Variants in ANK2 observed in about 807,000 individuals in gnomAD.
The protein encoded by ANK2 is ankyrin 2, also known as ankyrin-2.
Under a neutral mutation model 360.5 loss-of-function variants are expected in ANK2, and 83 were observed. The observed-to-expected ratio is 0.23, with a 90% CI of 0.19 to 0.28. ANK2 has a LOEUF of 0.28. Ranked by LOEUF, ANK2 falls within the 10% of genes least tolerant of loss-of-function variation. The pLI is 1.00. For synonymous variants in ANK2, 1,740 were observed against 1,759.5 expected (o/e 0.99, Z 0.28); for missense variants, 4,201 against 4,795.7 (o/e 0.88, Z 3.66).
At chr4:112,784,247 C>G in the ANK2 span, among the ~76,000 whole-genome samples, 1 of 150,870 alleles carries the variant, frequency 6.6e-6, no homozygotes, top group Non-Finnish European at 1.5e-5. Flanking sequence ...TACAGTGGTG[C>G]GATCATGGCT....
At chr4:113,348,863 A>G (rs1470582515) in intron 36 of ANK2, among the ~76,000 whole-genome samples, 2 of 152,144 alleles carry the variant, frequency 1.3e-5, no homozygotes, top group Non-Finnish European at 2.9e-5. Context: ...ATTTATACAT[A>G]TCACACACCA....
At chr4:112,766,024 G>A in the ANK2 span, among the ~76,000 whole-genome samples, 1 of 152,114 alleles carries the variant, frequency 6.6e-6, no homozygotes, top group African/African-American at 2.4e-5. Context: ...ACACCAGCAC[G>A]TAGTAGATGC....
chr4:113,263,121 G>A (rs1325381231), intron 13 of ANK2, among the ~76,000 whole-genome samples: 1 of 149,426 alleles, frequency 6.7e-6, no homozygotes, highest in Non-Finnish European at 1.5e-5. Context: ...CCGGGAGGCT[G>A]AGGCTGCAGT....
chr4:112,781,827 ATTTT>A, the ANK2 span, among the ~76,000 whole-genome samples: 2 of 124,774 alleles, frequency 1.6e-5, no homozygotes, highest in Admixed American at 8.8e-5. Context: ...TGATAACAGT[ATTTT>A]TTTTTTTTTT....
Position 112,979,240 on chromosome 4 carries a change from A to T in ANK2, c.21+74726A>T, listed in dbSNP as rs187123319. Among the ~76,000 whole-genome samples the T allele has an allele frequency of 3.1e-4, 47 of 152,318 alleles. No individual in the cohort carries two copies. In the East Asian group the frequency reaches 6.4e-3, roughly 21 times the overall value. ...TGTGGGGTCCGACCACTGCGCAGTC[A>T]GGTGTGCCGGCTGCAGCAAGGCAGG... is the stretch of plus-strand genomic sequence containing the variant. On this transcript the variant is annotated intron_variant, in intron 2 of 30. Coordinates refer to the ANK2 transcript ENST00000503271.
At chr4:112,721,960 C>A in the ANK2 span, among the ~76,000 whole-genome samples, 1 of 152,140 alleles carries the variant, frequency 6.6e-6, no homozygotes, top group African/African-American at 2.4e-5. Flanking sequence ...ATCTCACAAG[C>A]ATTATTATCA....
chr4:113,355,076 T>G lies in ANK2; in HGVS notation c.6458T>G (p.Phe2153Cys). ...ELEDNDKYQQ[F>C]RLSEETEKAQ... ...GAAGACAATGACAAATACCAACAAT[T>G]CCGCCTGAGTGAGGAGACAGAAAAG... The change falls in exon 38 of 46, where the codon TTC becomes TGC. Residue 2153 changes from phenylalanine (F) to cysteine (C), a missense_variant. By Grantham distance (205) the Phe-to-Cys change is radical. This residue lies in a region of ANK2 where 2,642 missense variants were observed against 2,714.5 expected (regional missense o/e 0.97). Transcript: ENST00000357077. 1 of 1,614,044 alleles carries G rather than the reference T, an allele frequency of 6.2e-7. No homozygotes were observed. The highest frequency in any genetic ancestry group is 8.5e-7 in the Non-Finnish European group (1 of 1,179,976).
intron 2 of ANK2, among the ~76,000 whole-genome samples, chr4:113,028,358 C>G (rs765771654): frequency 7.9e-5 from 12 of 152,016 alleles, no homozygotes; most frequent in Non-Finnish European, 1.6e-4. Flanking sequence ...CAGAACACAG[C>G]AAGTTAGAAA....
intron 1 of ANK2, among the ~76,000 whole-genome samples, chr4:113,065,904 G>C (rs79336310): frequency 0.014 from 2,127 of 152,264 alleles, 28 homozygotes; most frequent in Middle Eastern, 0.02. Flanking sequence ...GTTCAGCTGT[G>C]ATTTGTGGAT....
chr4:113,058,402 G>C (rs1261184075), intron 1 of ANK2, among the ~76,000 whole-genome samples: 2 of 151,906 alleles, frequency 1.3e-5, no homozygotes, highest in Non-Finnish European at 2.9e-5. Flanking sequence ...TCTAATATTT[G>C]ACAACATTCT....
At chr4:112,872,526 G>A (rs144670266) in intron 1 of ANK2, among the ~76,000 whole-genome samples, 8,649 of 152,058 alleles carry the variant, frequency 0.057, 247 homozygotes, top group Middle Eastern at 0.078. Flanking sequence ...TAATAGAGAC[G>A]AGGTTTCTCC....
At chr4:113,263,454 A>G (rs1399418373) in intron 13 of ANK2, among the ~76,000 whole-genome samples, 1 of 152,212 alleles carries the variant, frequency 6.6e-6, no homozygotes, top group Non-Finnish European at 1.5e-5. Flanking sequence ...ATCAACAAAG[A>G]AGAGAAAATT....
At chr4:112,717,675 C>T in the ANK2 span, among the ~76,000 whole-genome samples, 3 of 151,998 alleles carry the variant, frequency 2.0e-5, no homozygotes, top group Non-Finnish European at 4.4e-5. Context: ...ATCTAACAAG[C>T]CAATATGCTT....
rs78699155 is a variant in ANK2, at chr4:113,026,742, G to A, written c.21+122228G>A. On this transcript the variant is annotated intron_variant, in intron 2 of 30. Transcript: ENST00000503271. ...GGGATCATGTCTGGGAGTGCAGGAC[G>A]ATGAGTAATCAAGGAAAAGGGAGTT... Among the ~76,000 whole-genome samples the A allele has an allele frequency of 4.8e-3, 726 of 152,276 alleles. 8 individuals carry two copies. The highest frequency in any genetic ancestry group is 0.016 in the African/African-American group (682 of 41,570).
the ANK2 span, among the ~76,000 whole-genome samples, chr4:112,811,959 C>A: frequency 6.6e-6 from 1 of 150,972 alleles, no homozygotes; most frequent in South Asian, 2.1e-4. Context: ...CCTGTAGTCC[C>A]AGCTACTCAG....
At chr4:112,978,059 C>T (rs2042003931) in intron 2 of ANK2, among the ~76,000 whole-genome samples, 1 of 152,122 alleles carries the variant, frequency 6.6e-6, no homozygotes, top group Admixed American at 6.5e-5. Context: ...GCCAGGCCAA[C>T]ATGGTGAAAC....
In ANK2 at chr4:113,367,572, C is replaced by T. The variant is rs761223564; in HGVS notation, c.11039C>T (p.Ser3680Leu). ...TITLDHSEGF[S>L]VLQEELCTAQ... ...TAAATCATTCTGCCTTTAGGGTTCT[C>T]GGTACTTCAAGAGGAGTTATGCACT... The change falls in exon 42 of 46, where the codon TCG (serine) becomes TTG (leucine). Residue 3680 changes from serine to leucine, a missense_variant. This residue lies in a region of ANK2 where 2,642 missense variants were observed against 2,714.5 expected (regional missense o/e 0.97). Transcript: ENST00000357077. 9.3e-6 allele frequency: 15 copies of T among 1,613,608 alleles called. No homozygotes were observed. The highest frequency in any genetic ancestry group is 4.4e-5 in the South Asian group (4 of 91,036).
chr4:112,870,970 T>C (rs1262440032), intron 1 of ANK2, among the ~76,000 whole-genome samples: 1 of 152,218 alleles, frequency 6.6e-6, no homozygotes, highest in East Asian at 1.9e-4. Context: ...TCAACAGTAT[T>C]GTGCAGTTTT....
chr4:113,231,833 C>T (rs1436174810), intron 4 of ANK2, among the ~76,000 whole-genome samples: 2 of 152,130 alleles, frequency 1.3e-5, no homozygotes, highest in African/African-American at 2.4e-5. Context: ...AACTCCTGAC[C>T]TCATGATCCA....
Sources: gnomAD v4.1 joint callset for allele counts (sites outside exome capture counted in the v4.1 genomes callset) on GRCh38, gnomAD v4.1.1 for gene constraint, gnomAD v4.1.1 regional missense constraint, MANE v1.5 for transcripts, NCBI Gene and HGNC (gene_info 2026-07-23, HGNC 2026-07-21) for gene names.